Variants in TAF4 observed in about 807,000 individuals in gnomAD.
The protein encoded by TAF4 is TATA-box binding protein associated factor 4, also known as transcription initiation factor TFIID subunit 4.
Under a neutral mutation model 90.3 loss-of-function variants are expected in TAF4, and 9 were observed. The ratio of observed to expected loss-of-function variants is 0.10; its 90% CI spans 0.06 to 0.17. The LOEUF (loss-of-function observed/expected upper bound fraction) is 0.17. Among genes scored for constraint, TAF4 ranks in the 10% least tolerant of loss-of-function variants. TAF4 has a pLI of 1.00. For synonymous variants in TAF4, 818 were observed against 638.9 expected (o/e 1.28, Z -4.23); for missense variants, 1,351 against 1,370.7 (o/e 0.99, Z 0.23).
intron 1 of TAF4, among the ~76,000 whole-genome samples, chr20:62,046,390 G>A (rs1366494976): frequency 6.6e-6 from 1 of 152,150 alleles, no homozygotes; most frequent in Non-Finnish European, 1.5e-5. Context: ...CCTCAATCCA[G>A]GCAACCACAA....
In TAF4 at chr20:62,055,134, T is replaced by C. The variant is rs188090325; in HGVS notation, c.1360+9317A>G. Among the ~76,000 whole-genome samples, 290 of 152,144 alleles carry C rather than the reference T, an allele frequency of 1.9e-3. 1 individual carries two copies. The highest frequency in any genetic ancestry group is 3.4e-3 in the Middle Eastern group (1 of 290). ...AGCCACTGAGGCACTTGGAATCAAT[T>C]CACACTGCCTGCGGGCAGTCCTGCA... On this transcript the variant is annotated intron_variant, in intron 1 of 14. Transcript: ENST00000252996.
In TAF4 at chr20:62,017,222, G is replaced by A. The variant is rs540724970; in HGVS notation, c.1361-2515C>T. On this transcript the variant is annotated intron_variant, in intron 1 of 14. Transcript: ENST00000252996. ...CAGACTTAAGTGCACACATGGGAATGGGACGGAAACAGGACAAAGGAGGCT... is the reference window on the plus strand; with the variant it reads ...CAGACTTAAGTGCACACATGGGAATAGGACGGAAACAGGACAAAGGAGGCT... Among the ~76,000 whole-genome samples the A allele has an allele frequency of 2.6e-3, 402 of 152,264 alleles. 2 individuals carry two copies. Among genetic ancestry groups the A allele is most frequent in the African/African-American group, 9.0e-3 (375 of 41,548 alleles).
chr20:62,025,746 A>G (rs1471065162), intron 1 of TAF4, among the ~76,000 whole-genome samples: 1 of 152,176 alleles, frequency 6.6e-6, no homozygotes, highest in Non-Finnish European at 1.5e-5. Flanking sequence ...TTTTATAGCA[A>G]TGTAAGAACA....
rs1158368987 is a variant in TAF4 at position 62,064,513 on chromosome 20, G to C, written c.1298C>G (p.Ala433Gly). The C allele has an allele frequency of 6.5e-7, 1 of 1,529,028 alleles. No individual in the cohort carries two copies. The highest frequency in any genetic ancestry group is 1.2e-5 in the South Asian group (1 of 81,336). 94.7% of individuals were successfully genotyped at this position (1,529,028 alleles called of 1,614,324 possible). ...CTGAGGCGGCTGCGGCAAGCGGGGGGCCAGCACGGTGGGCGTCAGGGTGGC... is the reference window on the plus strand; with the variant it reads ...CTGAGGCGGCTGCGGCAAGCGGGGGCCCAGCACGGTGGGCGTCAGGGTGGC... The part of the protein sequence containing the change: ...IRATLTPTVL[A>G]PRLPQPPQNP... Residue 433 changes from alanine (A) to glycine (G), a missense_variant, in exon 1 of 15, where the codon GCC (alanine) becomes GGC (glycine). Physicochemically the swap from Ala to Gly is moderately conservative, Grantham distance 60. Coordinates refer to ENST00000252996, the MANE Select transcript of TAF4 (RefSeq NM_003185.4).
At chr20:62,056,587 C>T (rs951624568) in intron 1 of TAF4, among the ~76,000 whole-genome samples, 2 of 152,114 alleles carry the variant, frequency 1.3e-5, no homozygotes, top group African/African-American at 4.8e-5. Flanking sequence ...AGCCTGAGAC[C>T]ACCGAGGGCC....
intron 8 of TAF4, 111 bp downstream of exon 8, chr20:62,003,620 G>A: frequency 7.6e-7 from 1 of 1,310,930 alleles, no homozygotes; most frequent in Non-Finnish European, 1.0e-6. Context: ...TACTTAAAAT[G>A]GCCAATTTTA....
At chr20:62,052,196 G>C (rs145852635) in intron 1 of TAF4, among the ~76,000 whole-genome samples, 1,781 of 152,166 alleles carry the variant, frequency 0.012, 82 homozygotes, top group Admixed American at 0.086. Context: ...TGAAGTGGCT[G>C]ACATGAAGCA....
At position 62,065,197 on chromosome 20, in the gene TAF4, A is replaced by G. The variant is rs1365350926; in HGVS notation, c.614T>C (p.Leu205Pro). The change falls in exon 1 of 15, where the codon CTG becomes CCG. Residue 205 changes from leucine to proline, a missense_variant. Coordinates refer to ENST00000252996, the MANE Select transcript of TAF4 (RefSeq NM_003185.4). The stretch of plus-strand genomic sequence containing the variant: ...AGGTGCGGCGGCGTGGTGCGAGTTC[A>G]GCAGCGCGGCGCTCCCATTCAAAGT... Reference protein sequence around the residue: ...AQTLNGSAALLNSHHAAAPAV... With the variant: ...AQTLNGSAALPNSHHAAAPAV... 1.9e-5 allele frequency: 23 copies of G among 1,188,772 alleles called. No individual in the cohort carries two copies. The highest frequency in any genetic ancestry group is 2.8e-5 in the Admixed American group (1 of 35,442). 73.6% of individuals were successfully genotyped at this position (1,188,772 alleles called of 1,614,324 possible). A position where few individuals can be genotyped will look rare whatever the true frequency, so the allele number is the denominator to read the frequency against.
At chr20:62,050,350 G>C (rs2145512330) in intron 1 of TAF4, among the ~76,000 whole-genome samples, 1 of 152,232 alleles carries the variant, frequency 6.6e-6, no homozygotes, top group East Asian at 1.9e-4. Flanking sequence ...TGCCAGTCTG[G>C]ACCTGGGCAC....
intron 3 of TAF4, chr20:62,012,303 G>GT (rs1229536990): frequency 6.6e-6 from 1 of 152,486 alleles, no homozygotes; most frequent in Admixed American, 6.5e-5. Context: ...TTGCCTCAGT[G>GT]TAAGCGCCGC....
intron 1 of TAF4, among the ~76,000 whole-genome samples, chr20:62,035,279 T>A (rs1440906462): frequency 6.6e-6 from 1 of 152,198 alleles, no homozygotes; most frequent in Non-Finnish European, 1.5e-5. Context: ...AGCAACAGAA[T>A]GGAGTATTAC....
At position 62,013,909 on chromosome 20, in the gene TAF4, GTGTGT is replaced by G. The variant is rs1568932067; in HGVS notation, c.1521+633_1521+637del. Among the ~76,000 whole-genome samples the G allele has an allele frequency of 6.2e-3, 488 of 79,038 alleles. 15 individuals carry two copies. The East Asian group carries it at 0.065, about 11-fold the overall frequency. The allele number at this position is 79,038 out of a possible 152,430, so 51.9% of individuals were successfully genotyped here. A position where few individuals can be genotyped will look rare whatever the true frequency, so the allele number is the denominator to read the frequency against. ...TTCGGCCCTGAAGGCTGACGCGGGT[GTGTGT>G]GTGTGTGTGTGTGTGTGTGTGTGTG... On this transcript the variant is annotated intron_variant, in intron 2 of 14. Coordinates refer to ENST00000252996, the MANE Select transcript of TAF4 (RefSeq NM_003185.4).
chr20:62,055,626 C>T (rs1318498750), intron 1 of TAF4, among the ~76,000 whole-genome samples: 1 of 150,560 alleles, frequency 6.6e-6, no homozygotes, highest in Admixed American at 6.6e-5. Flanking sequence ...AGAGGGCAGC[C>T]CTACAATCTA....
intron 1 of TAF4, among the ~76,000 whole-genome samples, chr20:62,042,048 C>T (rs1290183255): frequency 6.6e-6 from 1 of 152,176 alleles, no homozygotes; most frequent in Non-Finnish European, 1.5e-5. Context: ...CAAGCCTGGA[C>T]ACCTGCAGCC....
chr20:61,982,051 G>T (rs1438525222), intron 14 of TAF4, among the ~76,000 whole-genome samples: 21 of 134,884 alleles, frequency 1.6e-4, no homozygotes, highest in South Asian at 5.6e-4. Flanking sequence ...CACCCAAGAG[G>T]AGACACCAAA....
chr20:61,997,221 CTG>C (rs554260498), intron 14 of TAF4, among the ~76,000 whole-genome samples: 24 of 152,350 alleles, frequency 1.6e-4, no homozygotes, highest in African/African-American at 5.3e-4. Flanking sequence ...CCCACAGACA[CTG>C]TGCAGGAAGC....
At chr20:61,989,134 C>T (rs1450466776) in intron 14 of TAF4, among the ~76,000 whole-genome samples, 1 of 152,150 alleles carries the variant, frequency 6.6e-6, no homozygotes, top group Non-Finnish European at 1.5e-5. Context: ...AGTCTCAACA[C>T]GAACACACAG....
At chr20:62,022,621 G>A (rs199783706) in intron 1 of TAF4, among the ~76,000 whole-genome samples, 2 of 152,310 alleles carry the variant, frequency 1.3e-5, no homozygotes, top group East Asian at 3.9e-4. Flanking sequence ...CCTTACACAG[G>A]CTGGCTTTCT....
intron 5 of TAF4, 43 bp from the exon 6 acceptor site, chr20:62,007,679 C>A (rs1466820948): frequency 5.8e-6 from 9 of 1,539,564 alleles, no homozygotes; most frequent in Non-Finnish European, 7.1e-6. Context: ...GAATGAGATT[C>A]CACACACACT....
Sources: gnomAD v4.1 joint callset for allele counts (sites outside exome capture counted in the v4.1 genomes callset) on GRCh38, gnomAD v4.1.1 for gene constraint, MANE v1.5 for transcripts, NCBI Gene and HGNC (gene_info 2026-07-23, HGNC 2026-07-21) for gene names.